Variants in GNA12 observed in about 807,000 individuals in gnomAD.
GNA12 encodes the protein G protein subunit alpha 12.
GNA12 carries 9 observed loss-of-function variants against 26.0 expected under a neutral mutation model. The observed-to-expected ratio is 0.35, with a 90% CI of 0.21 to 0.60. The LOEUF (loss-of-function observed/expected upper bound fraction) is 0.60, where lower values mean the gene tolerates loss of function less well. Among genes scored for constraint, GNA12 ranks in the 20% least tolerant of loss-of-function variants. The pLI, the probability that GNA12 is intolerant of heterozygous loss-of-function variation, is 0.78. For synonymous variants in GNA12, 264 were observed against 219.6 expected, an observed-to-expected ratio of 1.20 and a Z score of -1.79; for missense variants, 405 against 525.8, an observed-to-expected ratio of 0.77 and a Z score of 2.25.
intron 2 of GNA12, among the ~76,000 whole-genome samples, chr7:2,772,469 A>G (rs1483460530): frequency 2.6e-5 from 4 of 152,044 alleles, no homozygotes; most frequent in Non-Finnish European, 4.4e-5. Flanking sequence ...CTGAGGCAGG[A>G]GAATGGCGTG....
rs1285978479 is a variant in GNA12, at chr7:2,729,123, T to C, written c.*2058A>G. On this transcript the variant is annotated 3_prime_UTR_variant, in exon 4 of 4. Transcript: ENST00000275364. ...TCCCCTGCTACGCGAATCACAGCGC[T>C]GCTGTCGCCAACAGCGCCGCGAAGA... The C allele has an allele frequency of 2.0e-5, 3 of 152,436 alleles. No individual in the cohort carries two copies. The highest frequency in any genetic ancestry group is 7.2e-5 in the African/African-American group (3 of 41,470). 9.4% of individuals were successfully genotyped at this position (152,436 alleles called of 1,614,324 possible).
chr7:2,813,973 G>T (rs1793148533), intron 1 of GNA12, among the ~76,000 whole-genome samples: 1 of 152,160 alleles, frequency 6.6e-6, no homozygotes, highest in African/African-American at 2.4e-5. Context: ...AGATCAGACG[G>T]CAGAGGGAGG....
At chr7:2,805,117 A>G (rs1481845644) in intron 1 of GNA12, among the ~76,000 whole-genome samples, 2 of 152,208 alleles carry the variant, frequency 1.3e-5, no homozygotes, top group Non-Finnish European at 2.9e-5. Flanking sequence ...CAAAGCCTTT[A>G]AACACCGACC....
At position 2,812,847 on chromosome 7, in the gene GNA12, G is replaced by A. The variant is rs545651852; in HGVS notation, c.310-17704C>T. Among the ~76,000 whole-genome samples, 253 of 152,268 alleles carry A rather than the reference G, an allele frequency of 1.7e-3. 5 individuals carry two copies. The South Asian group carries it at 0.039, about 23-fold the overall frequency. ...TCTAATGAGAAAGTTGGTAAACAAA[G>A]CAGTTATTTGGCCCCTTTTTTGTTA... On this transcript the variant is annotated intron_variant, in intron 1 of 3. Coordinates refer to ENST00000275364, the MANE Select transcript of GNA12 (RefSeq NM_007353.3).
chr7:2,814,790 G>T, intron 1 of GNA12: 1 of 1,290,432 alleles, frequency 7.7e-7, no homozygotes, highest in African/African-American at 1.5e-5. Flanking sequence ...AGGGTTCCCT[G>T]ACCTGCCCCG....
At chr7:2,800,440 A>G (rs1583292511) in intron 1 of GNA12, among the ~76,000 whole-genome samples, 1 of 152,320 alleles carries the variant, frequency 6.6e-6, no homozygotes, top group East Asian at 1.9e-4. Flanking sequence ...GCGCACAACC[A>G]CACACAGTGT....
intron 2 of GNA12, among the ~76,000 whole-genome samples, chr7:2,739,368 G>A (rs1002030581): frequency 1.3e-5 from 2 of 152,148 alleles, no homozygotes; most frequent in Admixed American, 6.5e-5. Context: ...TCATTGGAGC[G>A]CATTCACACA....
intron 2 of GNA12, among the ~76,000 whole-genome samples, chr7:2,782,836 CT>C (rs1182239749): frequency 6.6e-6 from 1 of 152,100 alleles, no homozygotes; most frequent in Non-Finnish European, 1.5e-5. Context: ...TATATTCTCC[CT>C]TTTTGTCTCT....
chr7:2,779,090 G>A (rs570693441), intron 2 of GNA12, among the ~76,000 whole-genome samples: 24 of 152,318 alleles, frequency 1.6e-4, no homozygotes, highest in Admixed American at 8.5e-4. Flanking sequence ...TGGGCGTGGT[G>A]GCTCCTGCCT....
chr7:2,737,263 A>AGTTTTGTTTTGTTTT (rs569069278), intron 2 of GNA12, among the ~76,000 whole-genome samples: 5 of 79,574 alleles, frequency 6.3e-5, no homozygotes, highest in East Asian at 4.3e-4. Flanking sequence ...GCTATCTCAC[A>AGTTTTGTTTTGTTTT]GTTTTGTTTT....
chr7:2,791,176 C>T (rs1011794736), intron 2 of GNA12, among the ~76,000 whole-genome samples: 4 of 152,028 alleles, frequency 2.6e-5, no homozygotes, highest in South Asian at 2.1e-4. Context: ...TTAGTTATAC[C>T]GATGACCAAA....
intron 2 of GNA12, among the ~76,000 whole-genome samples, chr7:2,758,968 C>T (rs1484915381): frequency 2.0e-5 from 3 of 151,738 alleles, no homozygotes; most frequent in African/African-American, 7.3e-5. Context: ...GGTGAAACAC[C>T]GTCTCTACTA....
At chr7:2,773,982 T>G (rs1583269879) in intron 2 of GNA12, among the ~76,000 whole-genome samples, 1 of 152,072 alleles carries the variant, frequency 6.6e-6, no homozygotes, top group Non-Finnish European at 1.5e-5. Flanking sequence ...CAAAACGAAA[T>G]GGCGACGAGA....
chr7:2,810,927 A>AAAG (rs1179497042), intron 1 of GNA12, among the ~76,000 whole-genome samples: 16 of 152,132 alleles, frequency 1.1e-4, no homozygotes, highest in African/African-American at 3.9e-4. Context: ...GAAAGAAAAA[A>AAAG]ACAAAAAGAT....
chr7:2,757,129 C>CT (rs71026549), intron 2 of GNA12, among the ~76,000 whole-genome samples: 1,607 of 93,894 alleles, frequency 0.017, 12 homozygotes, highest in African/African-American at 0.019. Context: ...TCAGGTGGGC[C>CT]TTTTTTTTTT....
chr7:2,757,766 C>T (rs1791372282), intron 2 of GNA12, among the ~76,000 whole-genome samples: 1 of 152,226 alleles, frequency 6.6e-6, no homozygotes, highest in African/African-American at 2.4e-5. Flanking sequence ...ATCTTCCCTG[C>T]ACATTCTCAG....
chr7:2,842,619 A>C (rs747344069), intron 1 of GNA12, among the ~76,000 whole-genome samples: 9 of 152,172 alleles, frequency 5.9e-5, no homozygotes, highest in Non-Finnish European at 1.3e-4. Flanking sequence ...CTTCTTTCAC[A>C]AATATGGCGA....
At chr7:2,827,780 T>C (rs1793517726) in intron 1 of GNA12, among the ~76,000 whole-genome samples, 1 of 152,220 alleles carries the variant, frequency 6.6e-6, no homozygotes, top group South Asian at 2.1e-4. Flanking sequence ...TTCATGTATA[T>C]CTATCATGAG....
intron 2 of GNA12, among the ~76,000 whole-genome samples, chr7:2,767,983 T>C (rs1363223959): frequency 6.6e-6 from 1 of 152,238 alleles, no homozygotes; most frequent in Admixed American, 6.5e-5. Context: ...GCCTCTTGTG[T>C]AGCTGGGACT....
Sources: gnomAD v4.1 joint callset for allele counts (sites outside exome capture counted in the v4.1 genomes callset) on GRCh38, gnomAD v4.1.1 for gene constraint, MANE v1.5 for transcripts, NCBI Gene and HGNC (gene_info 2026-07-23, HGNC 2026-07-21) for gene names.